The following MICU2 variants were observed in gnomAD, a reference collection of about 807,000 sequenced individuals.
The protein encoded by MICU2 is calcium uptake protein 2, mitochondrial.
Under a neutral mutation model 60.4 loss-of-function variants are expected in MICU2, and 64 were observed. The observed-to-expected ratio is 1.06, with a 90% CI of 0.87 to 1.31. The LOEUF (loss-of-function observed/expected upper bound fraction) is 1.31. Among genes scored for constraint, MICU2 ranks in the 50% most tolerant of loss-of-function variants. The pLI is 0.00. For missense variants in MICU2, 569 were observed against 531.0 expected (o/e 1.07, Z -0.70); for synonymous variants, 201 against 175.0 (o/e 1.15, Z -1.17).
intron 1 of MICU2, among the ~76,000 whole-genome samples, chr13:21,585,179 A>T (rs1300320785): frequency 6.6e-6 from 1 of 152,218 alleles, no homozygotes; most frequent in Non-Finnish European, 1.5e-5. Context: ...TAACTTTGTC[A>T]TCTCTCTTTT....
At chr13:21,520,057 T>C (rs1036744536) in intron 6 of MICU2, among the ~76,000 whole-genome samples, 4 of 152,226 alleles carry the variant, frequency 2.6e-5, no homozygotes, top group African/African-American at 7.2e-5. Context: ...GATCTGCTTT[T>C]AGTAGGTAAG....
In MICU2 at chr13:21,567,850, A is replaced by C. The variant is rs76017301; in HGVS notation, c.211-906T>G. ...AGTAAACGGCAGAGGCAGGCTAAAAAGCTAGGTCTGACTCAAAGGGTTTTA... is the reference window on the plus strand; with the variant it reads ...AGTAAACGGCAGAGGCAGGCTAAAACGCTAGGTCTGACTCAAAGGGTTTTA... On this transcript the variant is annotated intron_variant, in intron 1 of 11. Coordinates refer to ENST00000382374, the MANE Select transcript of MICU2 (RefSeq NM_152726.3). 2.6e-5 allele frequency among the ~76,000 whole-genome samples: 4 copies of C among 152,350 alleles called. No individual in the cohort carries two copies. The East Asian group carries it at 7.7e-4, about 29-fold the overall frequency.
Position 21,521,390 on chromosome 13 carries a change from T to C in MICU2, c.515-63A>G, listed in dbSNP as rs954916801. 29 of 1,358,738 alleles carry C rather than the reference T, an allele frequency of 2.1e-5. 1 individual carries two copies. The highest frequency in any genetic ancestry group is 1.4e-4 in the East Asian group (6 of 42,286). 84.2% of individuals were successfully genotyped at this position (1,358,738 alleles called of 1,614,324 possible). A position where few individuals can be genotyped will look rare whatever the true frequency, so the allele number is the denominator to read the frequency against. ...GAAAACCAAGTTATTTGTAGATAGA[T>C]AGGTCTTCAAATTTGACATACACTA... is the stretch of plus-strand genomic sequence containing the variant. On this transcript the variant is annotated intron_variant, in intron 5 of 11. Transcript: ENST00000382374.
Position 21,531,220 on chromosome 13 carries a change from C to T in MICU2, c.466+8082G>A, listed in dbSNP as rs1365452295. ...GCATTAGAGTTATGTGAGATCCTAG[C>T]TCAAGAAAAGGACACTATAAGAAAG... On this transcript the variant is annotated intron_variant, in intron 4 of 11. Coordinates refer to ENST00000382374, the MANE Select transcript of MICU2 (RefSeq NM_152726.3). 1.6e-5 allele frequency: 17 copies of T among 1,056,156 alleles called. 1 individual carries two copies. The South Asian group carries it at 1.6e-4, about 10-fold the overall frequency. 65.4% of individuals were successfully genotyped at this position (1,056,156 alleles called of 1,614,324 possible).
chr13:21,500,101 T>G (rs1593313164), intron 9 of MICU2, among the ~76,000 whole-genome samples: 2 of 152,038 alleles, frequency 1.3e-5, no homozygotes, highest in East Asian at 3.9e-4. Context: ...GGTCCTCAGC[T>G]GTGATGTGAA....
chr13:21,495,977 G>T, intron 10 of MICU2, 75 bp downstream of exon 10: 2 of 986,310 alleles, frequency 2.0e-6, no homozygotes, highest in Non-Finnish European at 1.5e-6. Flanking sequence ...TTCCTTGATT[G>T]GTAGCATTTA....
chr13:21,604,143 C>T lies in MICU2; in HGVS notation c.6G>A (p.Ala2=), dbSNP rs780021351. 43 of 1,556,194 alleles carry T rather than the reference C, an allele frequency of 2.8e-5. No individual in the cohort carries two copies. In the Admixed American group the frequency reaches 8.0e-4, roughly 29 times the overall value. The part of the protein sequence containing the change: M[A]AAAGSCARVA... ...CCCGCGCGCAGCTACCCGCAGCCGC[C>T]GCCATCTTTGCGGAAGCGCAGCTAG... is the stretch of plus-strand genomic sequence containing the variant. The change falls in exon 1 of 12, where the codon GCG becomes GCA. Residue 2 remains alanine (A), a synonymous_variant. Coordinates refer to ENST00000382374, the MANE Select transcript of MICU2 (RefSeq NM_152726.3).
At chr13:21,517,805 GCGCGCGCGCA>G (rs1886616525) in intron 6 of MICU2, among the ~76,000 whole-genome samples, 1 of 148,912 alleles carries the variant, frequency 6.7e-6, no homozygotes, top group Non-Finnish European at 1.5e-5. Flanking sequence ...ACACACGCGC[GCGCGCGCGCA>G]CACGCGCTAC....
rs1886511528 is a variant in MICU2, at chr13:21,514,386, CAA to C, written c.628_629del (p.Leu210AspfsTer6). 6.2e-7 allele frequency: 1 copy of C among 1,613,540 alleles called. No homozygotes were observed. Among genetic ancestry groups the C allele is most frequent in the Non-Finnish European group, 8.5e-7 (1 of 1,179,748 alleles). Reference protein sequence around the residue: ...LQKIISKQDDLMTVKTNETGY... With the variant: ...LQKIISKQDDXMTVKTNETGY... Reference sequence around the variant, plus strand: ...CAGTTTCATTAGTTTTCACTGTCATCAAGTCATCTTGTTTACTTATGATCTTC... The same window carrying C: ...CAGTTTCATTAGTTTTCACTGTCATCGTCATCTTGTTTACTTATGATCTTC... On this transcript the variant is annotated frameshift_variant, in exon 7 of 12. Coordinates refer to ENST00000382374, the MANE Select transcript of MICU2 (RefSeq NM_152726.3). LOFTEE classifies it high-confidence loss of function.
intron 2 of MICU2, among the ~76,000 whole-genome samples, chr13:21,564,841 CA>C (rs1289286262): frequency 1.3e-5 from 2 of 152,184 alleles, no homozygotes; most frequent in Non-Finnish European, 2.9e-5. Context: ...GTAAAACTCA[CA>C]AAAGCGTATG....
chr13:21,586,274 CT>C (rs1344487110), intron 1 of MICU2, among the ~76,000 whole-genome samples: 3 of 152,186 alleles, frequency 2.0e-5, no homozygotes, highest in East Asian at 1.9e-4. Context: ...TTCTTTAAGC[CT>C]TTTTTAATAG....
chr13:21,584,160 C>T (rs990887875), intron 1 of MICU2, among the ~76,000 whole-genome samples: 9 of 151,996 alleles, frequency 5.9e-5, no homozygotes, highest in East Asian at 1.9e-4. Flanking sequence ...GAGGCTGGGG[C>T]GGGTGGATCA....
chr13:21,542,650 G>C (rs1338658608), intron 2 of MICU2, among the ~76,000 whole-genome samples: 1 of 152,068 alleles, frequency 6.6e-6, no homozygotes, highest in African/African-American at 2.4e-5. Flanking sequence ...AACACATTAG[G>C]GGTTTTTGTT....
At chr13:21,548,455 A>G (rs1381204826) in intron 2 of MICU2, among the ~76,000 whole-genome samples, 2 of 152,232 alleles carry the variant, frequency 1.3e-5, no homozygotes, top group Non-Finnish European at 2.9e-5. Flanking sequence ...GAAGGCTTTA[A>G]TCTTTTAAAA....
At chr13:21,580,268 TA>T (rs892709546) in intron 1 of MICU2, among the ~76,000 whole-genome samples, 4 of 152,324 alleles carry the variant, frequency 2.6e-5, no homozygotes, top group Admixed American at 2.6e-4. Flanking sequence ...TGGTGCAGGT[TA>T]AAGAAAAATC....
intron 1 of MICU2, among the ~76,000 whole-genome samples, chr13:21,598,335 T>C (rs534406603): frequency 6.6e-6 from 1 of 152,314 alleles, no homozygotes; most frequent in East Asian, 1.9e-4. Context: ...ATATCACTGT[T>C]GTCAACTGTG....
chr13:21,505,696 T>C (rs1430209691), intron 8 of MICU2, among the ~76,000 whole-genome samples: 1 of 152,200 alleles, frequency 6.6e-6, no homozygotes, highest in Non-Finnish European at 1.5e-5. Context: ...AGTCTGGTAC[T>C]TGAAAGCCCA....
intron 4 of MICU2, among the ~76,000 whole-genome samples, chr13:21,531,860 G>C (rs1887009492): frequency 6.6e-6 from 1 of 152,168 alleles, no homozygotes; most frequent in Non-Finnish European, 1.5e-5. Context: ...AAAAAAAGAA[G>C]TTACCGATAT....
Position 21,566,772 on chromosome 13 carries a change from TAAAAAA to T in MICU2, c.358+19_358+24del. 7.7e-7 allele frequency: 1 copy of T among 1,292,000 alleles called. No homozygotes were observed. The allele number at this position is 1,292,000 out of a possible 1,614,324, so 80.0% of individuals were successfully genotyped here. On this transcript the variant is annotated intron_variant, in intron 2 of 11. Transcript: ENST00000382374. ...AGCCCTGAAGTCTGATTTTTTTAAT[TAAAAAA>T]AAAAAAGACCCAACTCACGTTCCAT...
Sources: allele counts gnomAD v4.1 joint callset (sites outside exome capture counted in the v4.1 genomes callset), GRCh38; gene constraint gnomAD v4.1.1; transcripts MANE v1.5; gene names NCBI Gene and HGNC (gene_info 2026-07-23, HGNC 2026-07-21).